Variants in NAXD observed in about 807,000 individuals in gnomAD.
The protein encoded by NAXD is NAD(P)HX dehydratase, also known as ATP-dependent (S)-NAD(P)H-hydrate dehydratase.
In NAXD, 22 loss-of-function variants were observed where a neutral mutation model predicts 35.8. The observed-to-expected ratio is 0.62, with a 90% confidence interval of 0.44 to 0.88. The LOEUF (loss-of-function observed/expected upper bound fraction) is 0.88, where lower values mean the gene tolerates loss of function less well. NAXD is among the 40% of genes least tolerant of loss of function. The pLI, the probability that NAXD is intolerant of heterozygous loss-of-function variation, is 0.00. For synonymous variants in NAXD, 189 were observed against 177.6 expected, an observed-to-expected ratio of 1.06 and a Z score of -0.51; for missense variants, 428 against 437.7, an observed-to-expected ratio of 0.98 and a Z score of 0.20.
At chr13:110,622,003 C>T (rs1222355417) in intron 1 of NAXD, among the ~76,000 whole-genome samples, 3 of 151,668 alleles carry the variant, frequency 2.0e-5, no homozygotes, top group Non-Finnish European at 2.9e-5. Context: ...GCACTCCAGC[C>T]TGGGTGACAG....
chr13:110,615,542 T>G, upstream of NAXD: 2 of 1,329,774 alleles, frequency 1.5e-6, no homozygotes, highest in Non-Finnish European at 1.9e-6. Context: ...GGAAAACGCT[T>G]CCAATGGCTG....
At chr13:110,623,779 G>C (rs1370404217) in intron 2 of NAXD, among the ~76,000 whole-genome samples, 1 of 152,206 alleles carries the variant, frequency 6.6e-6, no homozygotes, top group East Asian at 1.9e-4. Context: ...GAGGCGGGCG[G>C]ATCACCTGAG....
intron 2 of NAXD, 125 bp from the exon 3 acceptor site, chr13:110,624,109 C>CT: frequency 1.6e-6 from 1 of 608,688 alleles, no homozygotes; most frequent in East Asian, 2.8e-5. Context: ...CTTCATGTCT[C>CT]TGTTATTTAT....
Position 110,639,499 on chromosome 13 carries a change from A to G in NAXD, c.*971A>G, listed in dbSNP as rs1376574188. On this transcript the variant is annotated 3_prime_UTR_variant, in exon 10 of 10. Transcript: ENST00000680254. ...GTCCTTAGGGATGTTCGCGTCCAGT[A>G]AAGACACTGGTAACTGCGGTTTCAG... The G allele has an allele frequency of 6.6e-6, 1 of 152,224 alleles. No individual in the cohort carries two copies. The highest frequency in any genetic ancestry group is 1.5e-5 in the Non-Finnish European group (1 of 68,048). The allele number at this position is 152,224 out of a possible 1,614,324, so 9.4% of individuals were successfully genotyped here.
chr13:110,624,163 A>G (rs980951818), intron 2 of NAXD, 71 bp from the exon 3 acceptor site: 5 of 839,240 alleles, frequency 6.0e-6, no homozygotes, highest in South Asian at 1.5e-5. Flanking sequence ...TTTTATTGAT[A>G]ACCTATTTAT....
At position 110,638,853 on chromosome 13, in the gene NAXD, G is replaced by T; in HGVS notation, c.*325G>T. ...TTTAGCAGCTCAACAGAGTTTCTCG[G>T]CCTGCTCCCAGATCGGCGAAGTTTC... On this transcript the variant is annotated 3_prime_UTR_variant, in exon 10 of 10. Coordinates refer to ENST00000680254, the MANE Select transcript of NAXD (RefSeq NM_001242882.2). The surrounding 1 kb of genome is among the most constrained non-coding windows in gnomAD (Gnocchi z 5.4). The T allele has an allele frequency of 2.2e-6, 1 of 451,330 alleles. No homozygotes were observed. Among genetic ancestry groups the T allele is most frequent in the Non-Finnish European group, 4.2e-6 (1 of 239,324 alleles). The allele number at this position is 451,330 out of a possible 1,614,324, so 28.0% of individuals were successfully genotyped here.
chr13:110,633,052 C>T (rs1047589104), intron 5 of NAXD, among the ~76,000 whole-genome samples: 7 of 152,152 alleles, frequency 4.6e-5, no homozygotes, highest in East Asian at 1.9e-4. Context: ...CTTGGGTGGT[C>T]GATGGGACTG....
chr13:110,625,755 G>A (rs551982294), intron 4 of NAXD, among the ~76,000 whole-genome samples: 17 of 152,374 alleles, frequency 1.1e-4, no homozygotes, highest in Admixed American at 2.0e-4. Context: ...TCTCTCTGCC[G>A]TCCAGGATTG....
At chr13:110,629,124 T>G (rs1886613081) in intron 5 of NAXD, among the ~76,000 whole-genome samples, 2 of 152,158 alleles carry the variant, frequency 1.3e-5, no homozygotes, top group South Asian at 4.1e-4. Context: ...AGCAGAGGCT[T>G]CCTACTTCGT....
Position 110,615,615 on chromosome 13 carries a change from C to T in NAXD, c.14C>T (p.Pro5Leu), listed in dbSNP as rs748743686. The T allele has an allele frequency of 6.9e-7, 1 of 1,458,700 alleles. No individual in the cohort carries two copies. The highest frequency in any genetic ancestry group is 3.0e-5 in the East Asian group (1 of 33,524). 90.4% of individuals were successfully genotyped at this position (1,458,700 alleles called of 1,614,324 possible). The change falls in exon 1 of 10, where the codon CCT becomes CTT. Residue 5 changes from proline to leucine, a missense_variant. Pro to Leu is a moderately conservative substitution (Grantham distance 98, BLOSUM62 -3). This residue lies in a region of NAXD where 208 missense variants were observed against 193.0 expected (regional missense o/e 1.08). Transcript: ENST00000680254. ...GAATGCTGCCCGATGGCCCTGGGTC[C>T]TCGCTGTGGGGCAATCCGGGCTTGC... MALG[P>L]RCGAIRACRR...
At chr13:110,622,868 G>A (rs149964404) in intron 2 of NAXD, among the ~76,000 whole-genome samples, 179 of 152,268 alleles carry the variant, frequency 1.2e-3, no homozygotes, top group Non-Finnish European at 2.3e-3. Flanking sequence ...AAAGCCTGCC[G>A]TGGCTCCTCT....
At chr13:110,621,921 T>C (rs414485) in intron 1 of NAXD, among the ~76,000 whole-genome samples, 6,489 of 151,610 alleles carry the variant, frequency 0.043, 376 homozygotes, top group African/African-American at 0.13. Flanking sequence ...TCCCAGCTGC[T>C]CAGGAGGCTG....
At position 110,638,870 on chromosome 13, in the gene NAXD, C is replaced by T. The variant is rs186342112; in HGVS notation, c.*342C>T. 1.0e-4 allele frequency: 42 copies of T among 415,862 alleles called. No homozygotes were observed. In the East Asian group the frequency reaches 2.3e-3, roughly 22 times the overall value. 25.8% of individuals were successfully genotyped at this position (415,862 alleles called of 1,614,324 possible). A position where few individuals can be genotyped will look rare whatever the true frequency, so the allele number is the denominator to read the frequency against. Reference sequence around the variant, plus strand: ...GTTTCTCGGCCTGCTCCCAGATCGGCGAAGTTTCTACTTGTTACTCTCTCT... The same window carrying T: ...GTTTCTCGGCCTGCTCCCAGATCGGTGAAGTTTCTACTTGTTACTCTCTCT... On this transcript the variant is annotated 3_prime_UTR_variant, in exon 10 of 10. Coordinates refer to ENST00000680254, the MANE Select transcript of NAXD (RefSeq NM_001242882.2). The surrounding 1 kb of genome is among the most constrained non-coding windows in gnomAD (Gnocchi z 5.4).
intron 1 of NAXD, among the ~76,000 whole-genome samples, chr13:110,618,006 G>T (rs1886125693): frequency 6.6e-6 from 1 of 152,170 alleles, no homozygotes; most frequent in African/African-American, 2.4e-5. Flanking sequence ...GTAGTAGGGT[G>T]CTGATTCTCT....
In NAXD at chr13:110,628,825, T is replaced by G. The variant is rs1468357857; in HGVS notation, c.441+1278T>G. ...CTGCTGCTTCCTGTCCAGCTCTGCA[T>G]CCTGGGGGTGCGGATGAATTAGAGG... On this transcript the variant is annotated intron_variant, in intron 5 of 9. Transcript: ENST00000680254. This position sits in a 1 kb window ranked among gnomAD's most constrained non-coding sequence, Gnocchi z 4.1. 6.6e-6 allele frequency among the ~76,000 whole-genome samples: 1 copy of G among 152,206 alleles called. No homozygotes were observed. Among genetic ancestry groups the G allele is most frequent in the Non-Finnish European group, 1.5e-5 (1 of 68,024 alleles).
At chr13:110,629,044 T>C (rs748662593) in intron 5 of NAXD, among the ~76,000 whole-genome samples, 1 of 152,222 alleles carries the variant, frequency 6.6e-6, no homozygotes, top group Non-Finnish European at 1.5e-5. Flanking sequence ...TGCCGTGGTC[T>C]TGAGAGCCCT....
Position 110,628,529 on chromosome 13 carries a change from T to C in NAXD, c.441+982T>C, listed in dbSNP as rs1055408609. Among the ~76,000 whole-genome samples the C allele has an allele frequency of 6.6e-6, 1 of 152,174 alleles. No individual in the cohort carries two copies. The highest frequency in any genetic ancestry group is 1.5e-5 in the Non-Finnish European group (1 of 68,024). On this transcript the variant is annotated intron_variant, in intron 5 of 9. Transcript: ENST00000680254. This position sits in a 1 kb window ranked among gnomAD's most constrained non-coding sequence, Gnocchi z 4.1. ...GGTGCTTAGTTAATGGAGGGGTCTC[T>C]GAGGCTGCGGGGCTTGAAGGCGGCG... is the stretch of plus-strand genomic sequence containing the variant.
At chr13:110,626,351 T>G (rs61970485) in intron 4 of NAXD, among the ~76,000 whole-genome samples, 42,594 of 151,864 alleles carry the variant, frequency 0.28, 6,133 homozygotes, top group Admixed American at 0.41. Context: ...AGGGTTTTGG[T>G]CTGAGCGAGT....
At position 110,627,436 on chromosome 13, in the gene NAXD, T is replaced by C. The variant is rs1886527746; in HGVS notation, c.333-3T>C. On this transcript the variant is annotated splice_region_variant and splice_polypyrimidine_tract_variant and intron_variant, in intron 4 of 9. Transcript: ENST00000680254. ...CCATCCTGGCCTTCCTTTCCTTCTT[T>C]AGTGACAGCCCCAATGCTGTTCATG... The C allele has an allele frequency of 1.2e-6, 2 of 1,608,724 alleles. No individual in the cohort carries two copies. The highest frequency in any genetic ancestry group is 1.7e-6 in the Non-Finnish European group (2 of 1,175,628).
Sources: allele counts gnomAD v4.1 joint callset (sites outside exome capture counted in the v4.1 genomes callset), GRCh38; gene constraint gnomAD v4.1.1; regional missense constraint gnomAD v4.1.1; non-coding constraint Gnocchi (gnomAD v3.1); transcripts MANE v1.5; gene names NCBI Gene and HGNC (gene_info 2026-07-23, HGNC 2026-07-21).